NXPE4: variants seen among roughly 807,000 people sequenced by gnomAD.
The protein encoded by NXPE4 is neurexophilin and PC-esterase domain family member 4, also known as NXPE family member 4.
A neutral mutation model predicts 33.3 loss-of-function variants in NXPE4; 42 were observed. That is an observed-to-expected ratio of 1.26 (90% CI 0.98 to 1.63). The LOEUF is 1.63. Among genes scored for constraint, NXPE4 ranks in the 40% most tolerant of loss-of-function variants. The pLI is 0.00. For missense variants in NXPE4, 709 were observed against 647.6 expected (o/e 1.09, Z -1.03); for synonymous variants, 253 against 234.9 (o/e 1.08, Z -0.71).
At chr11:114,585,175 A>G (rs930299184) in intron 2 of NXPE4, among the ~76,000 whole-genome samples, 3 of 151,674 alleles carry the variant, frequency 2.0e-5, no homozygotes, top group African/African-American at 4.8e-5. Flanking sequence ...ACTGCCTGCC[A>G]TCTGTCTTCC....
At chr11:114,629,712 G>A in the NXPE4 span, among the ~76,000 whole-genome samples, 1 of 151,832 alleles carries the variant, frequency 6.6e-6, no homozygotes, top group Non-Finnish European at 1.5e-5. Flanking sequence ...ATTCAATTAG[G>A]AAAAGAGGAA....
At chr11:114,640,939 A>AACAG in the NXPE4 span, among the ~76,000 whole-genome samples, 1 of 151,932 alleles carries the variant, frequency 6.6e-6, no homozygotes, top group Non-Finnish European at 1.5e-5. Context: ...TGCTGTGCAA[A>AACAG]AGGAAAAAGG....
At chr11:114,604,190 T>C in the NXPE4 span, among the ~76,000 whole-genome samples, 4 of 152,206 alleles carry the variant, frequency 2.6e-5, no homozygotes, top group African/African-American at 9.6e-5. Flanking sequence ...TGTTACCTGG[T>C]GGATAATAAG....
chr11:114,626,104 C>G, the NXPE4 span, among the ~76,000 whole-genome samples: 1 of 152,090 alleles, frequency 6.6e-6, no homozygotes, highest in Non-Finnish European at 1.5e-5. Context: ...GGGAGAGGGG[C>G]GCCCGCCATT....
At chr11:114,583,665 G>C (rs960168513) in intron 2 of NXPE4, 2 of 586,058 alleles carry the variant, frequency 3.4e-6, no homozygotes, top group Admixed American at 3.7e-5. Flanking sequence ...TGGGCTGGAG[G>C]CCTGCACCAT....
chr11:114,591,937 A>G (rs1263305352), intron 2 of NXPE4, among the ~76,000 whole-genome samples: 1 of 152,160 alleles, frequency 6.6e-6, no homozygotes, highest in Non-Finnish European at 1.5e-5. Flanking sequence ...AAAATCATAT[A>G]ATCATCTCAA....
the NXPE4 span, among the ~76,000 whole-genome samples, chr11:114,620,280 G>A: frequency 6.6e-6 from 1 of 151,996 alleles, no homozygotes; most frequent in Non-Finnish European, 1.5e-5. Flanking sequence ...TTACCCGGTG[G>A]ATAATAAGTA....
the NXPE4 span, among the ~76,000 whole-genome samples, chr11:114,616,841 A>T: frequency 6.7e-6 from 1 of 150,242 alleles, no homozygotes; most frequent in African/African-American, 2.5e-5. Flanking sequence ...GTTACCCAGT[A>T]GATAATAAAT....
chr11:114,627,886 C>A, the NXPE4 span, among the ~76,000 whole-genome samples: 1 of 151,510 alleles, frequency 6.6e-6, no homozygotes, highest in African/African-American at 2.4e-5. Flanking sequence ...TCTGATAAAA[C>A]AGACTTTAAA....
chr11:114,636,704 C>T, the NXPE4 span, among the ~76,000 whole-genome samples: 4 of 151,938 alleles, frequency 2.6e-5, no homozygotes, highest in East Asian at 1.9e-4. Context: ...TTATTTCTGC[C>T]TTCATTTCGT....
At chr11:114,631,872 G>A in the NXPE4 span, among the ~76,000 whole-genome samples, 13 of 150,002 alleles carry the variant, frequency 8.7e-5, no homozygotes, top group South Asian at 4.2e-4. Context: ...GTGGGTAACC[G>A]CTGTTACCCA....
the NXPE4 span, among the ~76,000 whole-genome samples, chr11:114,629,200 C>A: frequency 7.9e-5 from 12 of 152,012 alleles, no homozygotes; most frequent in African/African-American, 1.7e-4. Context: ...GATACCAAAG[C>A]CGGGCAGAGA....
chr11:114,590,075 A>C (rs1949411181), intron 2 of NXPE4, among the ~76,000 whole-genome samples: 1 of 152,150 alleles, frequency 6.6e-6, no homozygotes, highest in Non-Finnish European at 1.5e-5. Context: ...GTTAAAATGG[A>C]TGGTGCTGCC....
At chr11:114,575,423 A>G (rs988144453) in intron 5 of NXPE4, among the ~76,000 whole-genome samples, 1 of 152,108 alleles carries the variant, frequency 6.6e-6, no homozygotes, top group Non-Finnish European at 1.5e-5. Context: ...TCATGATATG[A>G]TAGTATACCT....
At chr11:114,592,559 C>G (rs1331291467) in intron 2 of NXPE4, among the ~76,000 whole-genome samples, 1 of 151,616 alleles carries the variant, frequency 6.6e-6, no homozygotes, top group Non-Finnish European at 1.5e-5. Context: ...AATAGATATT[C>G]CATGTTAATG....
the NXPE4 span, among the ~76,000 whole-genome samples, chr11:114,604,799 C>G: frequency 6.9e-6 from 1 of 143,978 alleles, no homozygotes; most frequent in African/African-American, 2.6e-5. Context: ...TGTTGCCTCG[C>G]GGGTAACCAC....
Position 114,580,274 on chromosome 11 carries a change from A to C in NXPE4, c.957T>G (p.His319Gln). The C allele has an allele frequency of 6.2e-7, 1 of 1,614,072 alleles. No individual in the cohort carries two copies. The highest frequency in any genetic ancestry group is 1.7e-5 in the Admixed American group (1 of 60,026). ...CAGGATTCCATGTGTTTCTCCAGACATGCCCACTGGGGATTGTGGATGTCA... is the reference window on the plus strand; with the variant it reads ...CAGGATTCCATGTGTTTCTCCAGACCTGCCCACTGGGGATTGTGGATGTCA... The part of the protein sequence containing the change: ...FGMTSTIPSG[H>Q]VWRNTWNPVS... Residue 319 changes from histidine (H) to glutamine (Q), a missense_variant, in exon 5 of 6, where the codon CAT (histidine) becomes CAG (glutamine). His to Gln is a conservative substitution (Grantham distance 24). Coordinates refer to ENST00000375478, the MANE Select transcript of NXPE4 (RefSeq NM_001077639.2).
the NXPE4 span, among the ~76,000 whole-genome samples, chr11:114,661,039 T>C: frequency 4.1e-4 from 63 of 152,284 alleles, no homozygotes; most frequent in Non-Finnish European, 8.1e-4. Flanking sequence ...GAAATACTTA[T>C]GTGTAAATCT....
At chr11:114,639,626 A>G in the NXPE4 span, among the ~76,000 whole-genome samples, 6 of 147,428 alleles carry the variant, frequency 4.1e-5, no homozygotes, top group East Asian at 1.2e-3. Flanking sequence ...CCACCTATGT[A>G]ACATATTACA....
Sources: gnomAD v4.1 joint callset for allele counts (sites outside exome capture counted in the v4.1 genomes callset) on GRCh38, gnomAD v4.1.1 for gene constraint, MANE v1.5 for transcripts, NCBI Gene and HGNC (gene_info 2026-07-23, HGNC 2026-07-21) for gene names.